CHRNB3: variants seen among roughly 807,000 people sequenced by gnomAD.
CHRNB3 encodes neuronal acetylcholine receptor subunit beta-3.
A neutral mutation model predicts 40.6 loss-of-function variants in CHRNB3; 37 were observed. That is an observed-to-expected ratio of 0.91 (90% CI 0.70 to 1.20). The LOEUF is 1.20. Ranked by LOEUF, CHRNB3 falls within the 50% of genes most tolerant of loss-of-function variation. The pLI is 0.00. For synonymous variants in CHRNB3, 207 were observed against 207.1 expected, an observed-to-expected ratio of 1.00 and a Z score of 0.00; for missense variants, 505 against 551.2, an observed-to-expected ratio of 0.92 and a Z score of 0.84.
chr8:42,707,987 C>T (rs1026650752), intron 1 of CHRNB3, among the ~76,000 whole-genome samples: 9 of 152,220 alleles, frequency 5.9e-5, no homozygotes, highest in Non-Finnish European at 1.3e-4. Flanking sequence ...CAAGAGACTT[C>T]CAAAGGGAGA....
intron 3 of CHRNB3, among the ~76,000 whole-genome samples, chr8:42,716,071 TG>T (rs1209668131): frequency 6.7e-6 from 1 of 148,606 alleles, no homozygotes; most frequent in Non-Finnish European, 1.5e-5. Context: ...CTCCGCTTCC[TG>T]GGTTCAAGTA....
At chr8:42,698,303 T>C (rs1441588315) in intron 1 of CHRNB3, among the ~76,000 whole-genome samples, 1 of 152,238 alleles carries the variant, frequency 6.6e-6, no homozygotes, top group African/African-American at 2.4e-5. Context: ...TTTCCTGGGT[T>C]TGGGAATCTT....
In CHRNB3 at chr8:42,710,373, A is replaced by C; in HGVS notation, c.205-17A>C. ...TCACTTCAACTTACAGTATTTTTTA[A>C]ATTTTCATTTTCTTAGGATGAAAAG... On this transcript the variant is annotated splice_polypyrimidine_tract_variant and intron_variant, in intron 2 of 5. Transcript: ENST00000289957. 6.3e-6 allele frequency: 10 copies of C among 1,583,086 alleles called. No homozygotes were observed. Among genetic ancestry groups the C allele is most frequent in the Non-Finnish European group, 8.6e-6 (10 of 1,160,092 alleles).
chr8:42,714,768 T>C (rs1816073382), intron 3 of CHRNB3: 1 of 152,268 alleles, frequency 6.6e-6, no homozygotes, highest in Non-Finnish European at 1.5e-5. Context: ...ATTATAATCC[T>C]AACTTTGCAG....
intron 1 of CHRNB3, among the ~76,000 whole-genome samples, chr8:42,700,403 C>A (rs1197565913): frequency 6.6e-6 from 1 of 151,932 alleles, no homozygotes; most frequent in Non-Finnish European, 1.5e-5. Context: ...CTCACTGCAA[C>A]CTTTGCCTCC....
intron 5 of CHRNB3, among the ~76,000 whole-genome samples, chr8:42,736,085 G>A (rs112517075): frequency 7.2e-5 from 11 of 152,146 alleles, no homozygotes; most frequent in Admixed American, 2.0e-4. Flanking sequence ...AGCTCGTCTC[G>A]AACTCCTGAC....
At chr8:42,705,788 C>G (rs1376564471) in intron 1 of CHRNB3, 1 of 152,298 alleles carries the variant, frequency 6.6e-6, no homozygotes, top group African/African-American at 2.4e-5. Flanking sequence ...CTGCTTCCCT[C>G]TTCTCTTGAG....
intron 1 of CHRNB3, among the ~76,000 whole-genome samples, chr8:42,701,742 T>A (rs1159936535): frequency 6.6e-6 from 1 of 152,200 alleles, no homozygotes; most frequent in Non-Finnish European, 1.5e-5. Flanking sequence ...CTGACTGCTC[T>A]GTTGAGATAA....
chr8:42,721,549 C>T (rs1229945061), intron 3 of CHRNB3, among the ~76,000 whole-genome samples: 1 of 152,028 alleles, frequency 6.6e-6, no homozygotes, highest in Non-Finnish European at 1.5e-5. Context: ...TGTGGCAAAA[C>T]TCTGTCTCTA....
intron 3 of CHRNB3, among the ~76,000 whole-genome samples, chr8:42,718,011 T>C (rs1312829877): frequency 6.6e-6 from 1 of 150,478 alleles, no homozygotes; most frequent in Non-Finnish European, 1.5e-5. Flanking sequence ...TTTTGTATTT[T>C]TAGTAAAGAC....
At chr8:42,726,217 T>C (rs1816306980) in intron 3 of CHRNB3, 1 of 847,602 alleles carries the variant, frequency 1.2e-6, no homozygotes, top group Non-Finnish European at 1.9e-6. Context: ...ATCTTTGCTC[T>C]TGCTCTGCCA....
chr8:42,720,084 C>T (rs996956673), intron 3 of CHRNB3, among the ~76,000 whole-genome samples: 16 of 150,826 alleles, frequency 1.1e-4, no homozygotes, highest in African/African-American at 2.2e-4. Context: ...TCCTTCCCCA[C>T]GCAACCCTGC....
At chr8:42,715,340 C>T (rs1444151050) in intron 3 of CHRNB3, among the ~76,000 whole-genome samples, 1 of 152,114 alleles carries the variant, frequency 6.6e-6, no homozygotes, top group African/African-American at 2.4e-5. Flanking sequence ...AAGTTGTGAA[C>T]CACCTGAATA....
chr8:42,705,096 G>C (rs543298335), intron 1 of CHRNB3, among the ~76,000 whole-genome samples: 1 of 152,284 alleles, frequency 6.6e-6, no homozygotes, highest in South Asian at 2.1e-4. Flanking sequence ...GAAGGAGGCA[G>C]ACATGTCAGA....
At position 42,732,192 on chromosome 8, in the gene CHRNB3, C is replaced by T; in HGVS notation, c.885C>T (p.Leu295=). ...CATCGTCTTCCAAAGTCATTCCTCT[C>T]ATTGGAGAGTACCTGCTGTTCATCA... is the stretch of plus-strand genomic sequence containing the variant. ...IIPSSSKVIP[L]IGEYLLFIMI... The change falls in exon 5 of 6, where the codon CTC becomes CTT. Residue 295 remains leucine, a synonymous_variant. Transcript: ENST00000289957. 6.2e-7 allele frequency: 1 copy of T among 1,609,438 alleles called. No individual in the cohort carries two copies. Among genetic ancestry groups the T allele is most frequent in the Non-Finnish European group, 8.5e-7 (1 of 1,178,420 alleles).
At chr8:42,717,417 G>T (rs914682992) in intron 3 of CHRNB3, among the ~76,000 whole-genome samples, 2 of 124,972 alleles carry the variant, frequency 1.6e-5, no homozygotes, top group East Asian at 5.1e-4. Context: ...CCGACCTGTT[G>T]TGGAAAGGTC....
chr8:42,718,517 C>CA (rs1398902077), intron 3 of CHRNB3, among the ~76,000 whole-genome samples: 1 of 151,512 alleles, frequency 6.6e-6, no homozygotes, highest in Non-Finnish European at 1.5e-5. Flanking sequence ...ACTAAAAATA[C>CA]AAAAAATTAG....
At chr8:42,724,773 G>T (rs1236414037) in intron 3 of CHRNB3, among the ~76,000 whole-genome samples, 3 of 152,084 alleles carry the variant, frequency 2.0e-5, no homozygotes, top group African/African-American at 7.2e-5. Context: ...GAGGTCAGGA[G>T]GTCGAGACCA....
At chr8:42,731,004 C>T (rs898615685) in intron 4 of CHRNB3, among the ~76,000 whole-genome samples, 2 of 137,640 alleles carry the variant, frequency 1.5e-5, no homozygotes, top group Non-Finnish European at 1.6e-5. Flanking sequence ...GCCGAGATTG[C>T]GCCACTGCAG....
Sources: allele counts gnomAD v4.1 joint callset (sites outside exome capture counted in the v4.1 genomes callset), GRCh38; gene constraint gnomAD v4.1.1; transcripts MANE v1.5; gene names NCBI Gene and HGNC (gene_info 2026-07-23, HGNC 2026-07-21).